NCAPG: variants seen among roughly 807,000 people sequenced by gnomAD.
NCAPG encodes the protein non-SMC condensin I complex subunit G, also known as condensin complex subunit 3.
Under a neutral mutation model 113.1 loss-of-function variants are expected in NCAPG, and 69 were observed. The ratio of observed to expected loss-of-function variants is 0.61; its 90% confidence interval spans 0.50 to 0.75. NCAPG has a LOEUF of 0.75. Ranked by LOEUF, NCAPG falls within the 30% of genes least tolerant of loss-of-function variation. NCAPG has a pLI of 0.00. For synonymous variants in NCAPG, 370 were observed against 415.8 expected, an observed-to-expected ratio of 0.89 and a Z score of 1.34; for missense variants, 1,058 against 1,177.0, an observed-to-expected ratio of 0.90 and a Z score of 1.48.
chr4:17,843,546 C>A lies in NCAPG; in HGVS notation c.*121C>A. Reference sequence around the variant, plus strand: ...GTCTTTCTGAAGATTTTCTGCTGTGCGCTTCCACGTTACTTTGGCCTGTAT... The same window carrying A: ...GTCTTTCTGAAGATTTTCTGCTGTGAGCTTCCACGTTACTTTGGCCTGTAT... On this transcript the variant is annotated 3_prime_UTR_variant, in exon 21 of 21. Coordinates refer to ENST00000251496, the MANE Select transcript of NCAPG (RefSeq NM_022346.5). 2.7e-6 allele frequency: 3 copies of A among 1,112,360 alleles called. No individual in the cohort carries two copies. Among genetic ancestry groups the A allele is most frequent in the Non-Finnish European group, 3.9e-6 (3 of 773,610 alleles). 68.9% of individuals were successfully genotyped at this position (1,112,360 alleles called of 1,614,324 possible).
At chr4:17,821,301 G>A (rs1390074342) in intron 7 of NCAPG, among the ~76,000 whole-genome samples, 1 of 152,038 alleles carries the variant, frequency 6.6e-6, no homozygotes, top group African/African-American at 2.4e-5. Flanking sequence ...TTTCCTACTA[G>A]AACCCAAAGG....
rs374315656 is a variant in NCAPG, at chr4:17,834,454, A to G, written c.2040A>G (p.Ser680=). Residue 680 remains serine, a synonymous_variant, in exon 14 of 21, where the codon TCA becomes TCG. Transcript: ENST00000251496. ...TEINSDDEQE[S]KEVEETATAK... is the part of the protein sequence containing the mutation. The stretch of plus-strand genomic sequence containing the variant: ...TAAACAGTGATGATGAGCAAGAATC[A>G]AAAGAAGTTGAAGAGACTGCTACAG... 14 of 1,611,204 alleles carry G rather than the reference A, an allele frequency of 8.7e-6. No homozygotes were observed. Among genetic ancestry groups the G allele is most frequent in the African/African-American group, 8.0e-5 (6 of 74,966 alleles).
intron 2 of NCAPG, 68 bp from the exon 3 acceptor site, chr4:17,812,849 T>C: frequency 7.7e-7 from 1 of 1,302,914 alleles, no homozygotes; most frequent in Non-Finnish European, 1.1e-6. Context: ...TGTATAGAGT[T>C]CAGATAATAT....
At chr4:17,840,720 G>A in intron 19 of NCAPG, 27 bp downstream of exon 19, 1 of 1,387,326 alleles carries the variant, frequency 7.2e-7, no homozygotes, top group African/African-American at 1.5e-5. Context: ...CCATCTTTAT[G>A]ATAAAAGTTT....
chr4:17,820,877 G>A (rs550429527), intron 7 of NCAPG, among the ~76,000 whole-genome samples: 1 of 152,146 alleles, frequency 6.6e-6, no homozygotes, highest in Admixed American at 6.5e-5. Context: ...AAGAGCAAAC[G>A]AGGAAATGAG....
intron 7 of NCAPG, among the ~76,000 whole-genome samples, chr4:17,822,402 G>T: frequency 6.6e-6 from 1 of 151,780 alleles, no homozygotes; most frequent in African/African-American, 2.4e-5. Context: ...ATCTTGGCCA[G>T]GCTGGTCTCG....
In NCAPG at chr4:17,844,014, C is replaced by CTAAAG. The variant is rs1354999302; in HGVS notation, c.*592_*596dup. 7.2e-5 allele frequency: 11 copies of CTAAAG among 152,090 alleles called. No homozygotes were observed. The highest frequency in any genetic ancestry group is 1.9e-4 in the African/African-American group (8 of 41,564). The allele number at this position is 152,090 out of a possible 1,614,324, so 9.4% of individuals were successfully genotyped here. ...ATATCTGCCTGGGAAATCTCTCTTC[C>CTAAAG]TAAAGTATTTGTATATGGGAGTCCT... On this transcript the variant is annotated 3_prime_UTR_variant, in exon 21 of 21. Transcript: ENST00000251496.
intron 7 of NCAPG, among the ~76,000 whole-genome samples, chr4:17,820,774 A>G (rs1198033950): frequency 6.6e-6 from 1 of 152,190 alleles, no homozygotes; most frequent in South Asian, 2.1e-4. Context: ...TCTCAGGAAT[A>G]TGTTTTCAGG....
chr4:17,842,077 A>G (rs770244468), intron 19 of NCAPG: 30 of 405,960 alleles, frequency 7.4e-5, no homozygotes, highest in Non-Finnish European at 1.3e-4. Flanking sequence ...AAATTTCCTT[A>G]TTTTCCCTTA....
chr4:17,823,764 A>G lies in NCAPG; in HGVS notation c.1377A>G (p.Thr459=). 1 of 1,592,042 alleles carries G rather than the reference A, an allele frequency of 6.3e-7. No individual in the cohort carries two copies. Among genetic ancestry groups the G allele is most frequent in the African/African-American group, 1.3e-5 (1 of 74,204 alleles). Residue 459 remains threonine, a synonymous_variant, in exon 9 of 21, where the codon ACA becomes ACG. Transcript: ENST00000251496. ...TCATTATAGATGATAATAAGAGAAC[A>G]CAAATTGTAAGTAATTTTCCTCATT... The part of the protein sequence containing the change: ...LHIIIDDNKR[T]QIVTEIISEI...
intron 1 of NCAPG, 128 bp from the exon 2 acceptor site, chr4:17,812,093 A>G: frequency 1.4e-6 from 1 of 725,408 alleles, no homozygotes; most frequent in Non-Finnish European, 2.2e-6. Context: ...GATAATTAAG[A>G]GTTTACTAAA....
At chr4:17,823,919 A>G (rs944666218) in intron 9 of NCAPG, 149 bp downstream of exon 9, 2 of 598,498 alleles carry the variant, frequency 3.3e-6, no homozygotes, top group Non-Finnish European at 2.9e-6. Context: ...ACCATTATCT[A>G]TCTCTTACAT....
chr4:17,829,105 C>T (rs1281888594), intron 12 of NCAPG, among the ~76,000 whole-genome samples: 1 of 152,070 alleles, frequency 6.6e-6, no homozygotes, highest in Admixed American at 6.5e-5. Flanking sequence ...AGTCTTATAG[C>T]GCATCTTAAA....
At chr4:17,814,210 ATAATCT>A (rs1339272537) in intron 3 of NCAPG, among the ~76,000 whole-genome samples, 5 of 152,222 alleles carry the variant, frequency 3.3e-5, no homozygotes, top group Non-Finnish European at 5.9e-5. Context: ...TAGCACAGAC[ATAATCT>A]TAATGATGAA....
chr4:17,842,911 T>C (rs1388012881), intron 20 of NCAPG: 1 of 161,788 alleles, frequency 6.2e-6, no homozygotes, highest in African/African-American at 2.4e-5. Context: ...AAACTTGTTT[T>C]TTACTATGTT....
intron 16 of NCAPG, among the ~76,000 whole-genome samples, chr4:17,838,479 C>T (rs1490260086): frequency 6.6e-6 from 1 of 152,170 alleles, no homozygotes; most frequent in African/African-American, 2.4e-5. Flanking sequence ...CTATTAAGCA[C>T]TTCATGACTT....
chr4:17,840,639 A>T lies in NCAPG; in HGVS notation c.2800A>T (p.Arg934Trp). Reference sequence around the variant, plus strand: ...TAAAGAAGTATATATGACTCCACTCAGGGGTGTAAAAGCAACCCAAGCATC... The same window carrying T: ...TAAAGAAGTATATATGACTCCACTCTGGGGTGTAAAAGCAACCCAAGCATC... ...KNKEVYMTPL[R>W]GVKATQASKS... The change falls in exon 19 of 21, where the codon AGG becomes TGG. Residue 934 changes from arginine to tryptophan, a missense_variant. Transcript: ENST00000251496. The T allele has an allele frequency of 6.4e-7, 1 of 1,558,326 alleles. No individual in the cohort carries two copies. Among genetic ancestry groups the T allele is most frequent in the Non-Finnish European group, 8.7e-7 (1 of 1,153,688 alleles).
rs1420202113 is a variant in NCAPG at position 17,844,242 on chromosome 4, G to GTCTT, written c.*819_*822dup. On this transcript the variant is annotated 3_prime_UTR_variant, in exon 21 of 21. Coordinates refer to ENST00000251496, the MANE Select transcript of NCAPG (RefSeq NM_022346.5). ...CTATTCACTGTCAATTTCATTTCTTGTCTTTTGAAATTGACACTTGGCCTG... is the reference window on the plus strand; with the variant it reads ...CTATTCACTGTCAATTTCATTTCTTGTCTTTCTTTTGAAATTGACACTTGGCCTG... 2.6e-5 allele frequency: 4 copies of GTCTT among 152,252 alleles called. No individual in the cohort carries two copies. The highest frequency in any genetic ancestry group is 4.8e-5 in the African/African-American group (2 of 41,374). 9.4% of individuals were successfully genotyped at this position (152,252 alleles called of 1,614,324 possible).
intron 19 of NCAPG, among the ~76,000 whole-genome samples, chr4:17,840,972 G>A (rs1722346176): frequency 6.6e-6 from 1 of 151,934 alleles, no homozygotes; most frequent in Admixed American, 6.6e-5. Flanking sequence ...TTAAGATTTG[G>A]TTAAATGATG....
Sources: gnomAD v4.1 joint callset for allele counts (sites outside exome capture counted in the v4.1 genomes callset) on GRCh38, gnomAD v4.1.1 for gene constraint, MANE v1.5 for transcripts, NCBI Gene and HGNC (gene_info 2026-07-23, HGNC 2026-07-21) for gene names.